FOXN3: variants seen among roughly 807,000 people sequenced by gnomAD.
The protein encoded by FOXN3 is forkhead box protein N3.
Under a neutral mutation model 38.4 loss-of-function variants are expected in FOXN3, and 7 were observed. The observed-to-expected ratio is 0.18, with a 90% CI of 0.10 to 0.34. The LOEUF (loss-of-function observed/expected upper bound fraction) is 0.34, where lower values mean the gene tolerates loss of function less well. Ranked by LOEUF, FOXN3 falls within the 10% of genes least tolerant of loss-of-function variation. The pLI is 1.00. For synonymous variants in FOXN3, 230 were observed against 242.2 expected (o/e 0.95, Z 0.47); for missense variants, 456 against 613.4 (o/e 0.74, Z 2.71).
At chr14:89,568,194 A>G (rs1895405740) in intron 1 of FOXN3, among the ~76,000 whole-genome samples, 1 of 152,050 alleles carries the variant, frequency 6.6e-6, no homozygotes, top group South Asian at 2.1e-4. Flanking sequence ...AATGCACTAG[A>G]AAGTTCTCTA....
At chr14:89,179,476 C>T (rs1311998952) in intron 5 of FOXN3, among the ~76,000 whole-genome samples, 3 of 152,156 alleles carry the variant, frequency 2.0e-5, no homozygotes, top group African/African-American at 4.8e-5. Context: ...AAACTTGATC[C>T]GTAAACGCAG....
chr14:89,325,124 T>C (rs894308314), intron 3 of FOXN3, among the ~76,000 whole-genome samples: 5 of 152,102 alleles, frequency 3.3e-5, no homozygotes, highest in Non-Finnish European at 5.9e-5. Flanking sequence ...GCGGACAGCA[T>C]AGACACAGAG....
intron 3 of FOXN3, among the ~76,000 whole-genome samples, chr14:89,335,471 G>C (rs927237099): frequency 6.6e-6 from 1 of 152,174 alleles, no homozygotes; most frequent in African/African-American, 2.4e-5. Context: ...TCATTCCTAC[G>C]ATCTAAGTCT....
At chr14:89,172,699 A>C (rs1244560381) in intron 5 of FOXN3, among the ~76,000 whole-genome samples, 2 of 152,186 alleles carry the variant, frequency 1.3e-5, no homozygotes, top group Non-Finnish European at 2.9e-5. Flanking sequence ...AAATAAACCC[A>C]CAAATAGAAA....
At chr14:89,617,246 G>C (rs1896511834) in intron 1 of FOXN3, among the ~76,000 whole-genome samples, 1 of 152,188 alleles carries the variant, frequency 6.6e-6, no homozygotes, top group African/African-American at 2.4e-5. Flanking sequence ...CGCTTTAAAG[G>C]CTCAAATGAA....
intron 1 of FOXN3, among the ~76,000 whole-genome samples, chr14:89,508,834 A>G (rs1417468613): frequency 1.3e-5 from 2 of 152,148 alleles, no homozygotes; most frequent in African/African-American, 4.8e-5. Context: ...CCCTGGGACC[A>G]TGCACTGAGG....
intron 3 of FOXN3, among the ~76,000 whole-genome samples, chr14:89,321,579 AAAAAT>A (rs1283649521): frequency 1.3e-5 from 2 of 152,184 alleles, no homozygotes; most frequent in African/African-American, 4.8e-5. Flanking sequence ...TCTGTCTCAA[AAAAAT>A]AAAATAAAAT....
intron 3 of FOXN3, among the ~76,000 whole-genome samples, chr14:89,304,445 T>C (rs1419970047): frequency 1.3e-5 from 2 of 151,712 alleles, no homozygotes; most frequent in Non-Finnish European, 2.9e-5. Context: ...ATGGTGGAGG[T>C]GGGGGCAGGA....
Position 89,350,812 on chromosome 14 carries a change from C to T in FOXN3, c.544-4G>A. ...ACAACGACCCTTTCCCAATACTCTG[C>T]AAAGAAAATTAAAATACAAAGGCAT... On this transcript the variant is annotated splice_region_variant and splice_polypyrimidine_tract_variant and intron_variant, in intron 2 of 5. Transcript: ENST00000557258. The T allele has an allele frequency of 6.5e-7, 1 of 1,533,306 alleles. No homozygotes were observed. Among genetic ancestry groups the T allele is most frequent in the Non-Finnish European group, 8.7e-7 (1 of 1,146,234 alleles). 95.0% of individuals were successfully genotyped at this position (1,533,306 alleles called of 1,614,324 possible). A position where few individuals can be genotyped will look rare whatever the true frequency, so the allele number is the denominator to read the frequency against.
chr14:89,407,786 A>G (rs552374588), intron 2 of FOXN3, among the ~76,000 whole-genome samples: 6 of 152,190 alleles, frequency 3.9e-5, no homozygotes, highest in African/African-American at 9.7e-5. Flanking sequence ...AGCCATGATT[A>G]TGCCACTGCG....
chr14:89,513,167 A>AG lies in FOXN3; in HGVS notation c.-14-100678_-14-100677insC, dbSNP rs1370213426. Reference sequence around the variant, plus strand: ...CATCTCAGGAAAAAAAAAAAAAAAAAAAGAAAAAGAAAGAAAGAAACTAGG... The same window carrying AG: ...CATCTCAGGAAAAAAAAAAAAAAAAAGAAGAAAAAGAAAGAAAGAAACTAGG... On this transcript the variant is annotated intron_variant, in intron 1 of 6. Coordinates refer to the FOXN3 transcript ENST00000345097. 1.9e-4 allele frequency among the ~76,000 whole-genome samples: 28 copies of AG among 150,358 alleles called. No individual in the cohort carries two copies. The East Asian group carries it at 4.9e-3, about 26-fold the overall frequency.
rs572713341 is a variant in FOXN3, at chr14:89,429,586, G to A, written c.-14-17096C>T. On this transcript the variant is annotated intron_variant, in intron 1 of 6. Transcript: ENST00000345097. ...CTCATTTAAACTTGGGGTGCAAAAG[G>A]CATGTGAAGTGGGAGAGTTGCTGCC... Among the ~76,000 whole-genome samples, 5 of 152,134 alleles carry A rather than the reference G, an allele frequency of 3.3e-5. No homozygotes were observed. The East Asian group carries it at 9.7e-4, about 29-fold the overall frequency.
In FOXN3 at chr14:89,160,004, C is replaced by G. The variant is rs142649957; in HGVS notation, c.*2410G>C. ...AATGCACCAGTTAGTTCCCACTGTC[C>G]GGGCTGATGGAGCTCTGACATTACC... On this transcript the variant is annotated 3_prime_UTR_variant, in exon 6 of 6. Transcript: ENST00000557258. 1 of 152,110 alleles carries G rather than the reference C, an allele frequency of 6.6e-6. No individual in the cohort carries two copies. Among genetic ancestry groups the G allele is most frequent in the African/African-American group, 2.4e-5 (1 of 41,396 alleles). 9.4% of individuals were successfully genotyped at this position (152,110 alleles called of 1,614,324 possible). A position where few individuals can be genotyped will look rare whatever the true frequency, so the allele number is the denominator to read the frequency against.
At chr14:89,392,637 C>CTTTTTT (rs71130072) in intron 2 of FOXN3, among the ~76,000 whole-genome samples, 3 of 119,302 alleles carry the variant, frequency 2.5e-5, no homozygotes, top group African/African-American at 7.7e-5. Context: ...TGTGTCTCGT[C>CTTTTTT]TTTTTTTTTT....
At chr14:89,257,210 C>T (rs1202854386) in intron 4 of FOXN3, among the ~76,000 whole-genome samples, 1 of 152,196 alleles carries the variant, frequency 6.6e-6, no homozygotes, top group Non-Finnish European at 1.5e-5. Flanking sequence ...GGCTGAGTCC[C>T]ACCACCTTCC....
chr14:89,510,293 G>A lies in FOXN3; in HGVS notation c.-14-97803C>T, dbSNP rs559019776. On this transcript the variant is annotated intron_variant, in intron 1 of 6. Transcript: ENST00000345097. ...CTGTATACATTGCTTCTCTTAACAA[G>A]TAGAATCTGCGACTGGTTTGAGAAC... Among the ~76,000 whole-genome samples the A allele has an allele frequency of 2.0e-5, 3 of 152,324 alleles. No individual in the cohort carries two copies. In the East Asian group the frequency reaches 5.8e-4, roughly 29 times the overall value.
At chr14:89,323,979 C>T (rs1277463134) in intron 3 of FOXN3, among the ~76,000 whole-genome samples, 2 of 152,102 alleles carry the variant, frequency 1.3e-5, no homozygotes, top group Non-Finnish European at 2.9e-5. Flanking sequence ...TGCCTTTGTG[C>T]TTCAGTTTCC....
intron 4 of FOXN3, among the ~76,000 whole-genome samples, chr14:89,220,118 T>C (rs796550125): frequency 3.3e-5 from 5 of 152,358 alleles, no homozygotes; most frequent in African/African-American, 9.6e-5. Flanking sequence ...CATCACATTA[T>C]TCTTCTTCCT....
upstream of FOXN3, chr14:89,417,804 C>T (rs1006602896): frequency 4.4e-6 from 2 of 452,848 alleles, no homozygotes; most frequent in African/African-American, 2.0e-5. Context: ...GAGGTAAGCA[C>T]CGCAGCGTCC....
Sources: allele counts gnomAD v4.1 joint callset (sites outside exome capture counted in the v4.1 genomes callset), GRCh38; gene constraint gnomAD v4.1.1; transcripts MANE v1.5; gene names NCBI Gene and HGNC (gene_info 2026-07-23, HGNC 2026-07-21).